Variants in RABGAP1L observed in about 807,000 individuals in gnomAD.
RABGAP1L encodes rab GTPase-activating protein 1-like.
RABGAP1L carries 63 observed loss-of-function variants against 137.7 expected under a neutral mutation model. The observed-to-expected ratio is 0.46, with a 90% CI of 0.37 to 0.56. RABGAP1L has a LOEUF of 0.56. RABGAP1L is among the 20% of genes least tolerant of loss of function. The pLI is 0.00. For synonymous variants in RABGAP1L, 431 were observed against 433.7 expected (o/e 0.99, Z 0.08); for missense variants, 1,095 against 1,244.0 (o/e 0.88, Z 1.80).
At position 174,232,977 on chromosome 1, in the gene RABGAP1L, G is replaced by C. The variant is rs533779849; in HGVS notation, c.542+1622G>C. 2.1e-4 allele frequency among the ~76,000 whole-genome samples: 32 copies of C among 152,218 alleles called. 1 individual carries two copies. Among genetic ancestry groups the C allele is most frequent in the African/African-American group, 7.5e-4 (31 of 41,542 alleles). ...ATAGACTGGTGGTTTACATACAACA[G>C]ATAATTATTTTTCACAGTTCTCGTG... On this transcript the variant is annotated intron_variant, in intron 4 of 25. Coordinates refer to ENST00000681986, the MANE Select transcript of RABGAP1L (RefSeq NM_001366446.1).
At chr1:174,268,634 G>A (rs114500696) in intron 7 of RABGAP1L, among the ~76,000 whole-genome samples, 153 of 152,094 alleles carry the variant, frequency 1.0e-3, no homozygotes, top group African/African-American at 3.6e-3. Flanking sequence ...TAGACTAAAG[G>A]TAAAAGTTTT....
intron 13 of RABGAP1L, among the ~76,000 whole-genome samples, chr1:174,429,107 T>G (rs1652296018): frequency 6.6e-6 from 1 of 152,146 alleles, no homozygotes; most frequent in African/African-American, 2.4e-5. Flanking sequence ...GATTTTATTG[T>G]GTGATGCTGG....
chr1:174,238,579 C>T (rs1292529975), intron 4 of RABGAP1L, among the ~76,000 whole-genome samples: 6 of 151,150 alleles, frequency 4.0e-5, no homozygotes, highest in Non-Finnish European at 7.4e-5. Flanking sequence ...TTAGGCTGCT[C>T]GGGGGTCAGG....
intron 13 of RABGAP1L, among the ~76,000 whole-genome samples, chr1:174,531,749 T>TG (rs1438629230): frequency 2.0e-3 from 144 of 73,818 alleles, no homozygotes; most frequent in South Asian, 8.9e-3. Flanking sequence ...GTCTCGGGGG[T>TG]GGGGGGGGGG....
At chr1:174,166,292 G>C (rs1664904479) in intron 1 of RABGAP1L, among the ~76,000 whole-genome samples, 1 of 152,126 alleles carries the variant, frequency 6.6e-6, no homozygotes, top group South Asian at 2.1e-4. Context: ...AGTAGAACAG[G>C]AAGCAGTTTT....
At chr1:174,650,713 A>T (rs977152089) in intron 14 of RABGAP1L, among the ~76,000 whole-genome samples, 4 of 148,848 alleles carry the variant, frequency 2.7e-5, no homozygotes, top group Admixed American at 2.7e-4. Flanking sequence ...CGTCTATTTG[A>T]TTCTTCTCTC....
At chr1:174,924,904 A>G (rs1180168494) in intron 19 of RABGAP1L, among the ~76,000 whole-genome samples, 1 of 152,218 alleles carries the variant, frequency 6.6e-6, no homozygotes, top group Non-Finnish European at 1.5e-5. Context: ...TAATGTGGAA[A>G]AAATAGGACA....
intron 21 of RABGAP1L, among the ~76,000 whole-genome samples, chr1:174,969,839 C>T (rs572197116): frequency 1.3e-5 from 2 of 152,310 alleles, no homozygotes; most frequent in East Asian, 3.9e-4. Flanking sequence ...GGCTGAGAGC[C>T]AGACTGCCTG....
chr1:174,491,784 G>A (rs970711847), intron 13 of RABGAP1L, among the ~76,000 whole-genome samples: 1 of 152,154 alleles, frequency 6.6e-6, no homozygotes, highest in Non-Finnish European at 1.5e-5. Context: ...TTCCCATCTG[G>A]CTAGAGCCAG....
intron 13 of RABGAP1L, among the ~76,000 whole-genome samples, chr1:174,547,029 CAAAAAAAA>C (rs375413887): frequency 2.6e-5 from 2 of 78,250 alleles, no homozygotes; most frequent in East Asian, 5.1e-4. Context: ...GACTCTGTCT[CAAAAAAAA>C]AAAAAAAAAA....
At chr1:174,161,910 T>C (rs1185948396) in intron 1 of RABGAP1L, among the ~76,000 whole-genome samples, 1 of 152,116 alleles carries the variant, frequency 6.6e-6, no homozygotes, top group African/African-American at 2.4e-5. Flanking sequence ...TTGTTTTATT[T>C]TTGTAGAGTC....
intron 1 of RABGAP1L, among the ~76,000 whole-genome samples, chr1:174,162,318 ATATTTATT>A (rs1271656354): frequency 6.6e-6 from 1 of 152,130 alleles, no homozygotes; most frequent in Non-Finnish European, 1.5e-5. Flanking sequence ...CAGCCATTGT[ATATTTATT>A]TGAACTCTCA....
intron 13 of RABGAP1L, among the ~76,000 whole-genome samples, chr1:174,589,841 G>A (rs1018699555): frequency 5.3e-5 from 8 of 152,040 alleles, no homozygotes; most frequent in East Asian, 1.9e-4. Flanking sequence ...TGCCAGTCCC[G>A]TGCTGTTTTG....
chr1:174,786,260 A>G (rs1310183593), intron 18 of RABGAP1L, among the ~76,000 whole-genome samples: 1 of 152,132 alleles, frequency 6.6e-6, no homozygotes, highest in African/African-American at 2.4e-5. Flanking sequence ...ATTTTTTGTT[A>G]ATATTAGTTT....
intron 13 of RABGAP1L, among the ~76,000 whole-genome samples, chr1:174,499,237 A>T (rs1003817013): frequency 6.9e-6 from 1 of 145,520 alleles, no homozygotes; most frequent in African/African-American, 2.5e-5. Flanking sequence ...TTAGAAATTT[A>T]AGTTAAAAAC....
chr1:174,335,604 C>A (rs759108340), intron 11 of RABGAP1L, among the ~76,000 whole-genome samples: 3 of 152,240 alleles, frequency 2.0e-5, no homozygotes, highest in Non-Finnish European at 2.9e-5. Flanking sequence ...TTCTGGATTG[C>A]CTCTGTTGAA....
intron 20 of RABGAP1L, among the ~76,000 whole-genome samples, chr1:174,966,456 C>A (rs1558290041): frequency 6.6e-6 from 1 of 152,048 alleles, no homozygotes. Flanking sequence ...ATTGAAAAAG[C>A]TTCTCAAATC....
chr1:174,655,826 T>C (rs949561128), intron 14 of RABGAP1L, among the ~76,000 whole-genome samples: 2 of 152,168 alleles, frequency 1.3e-5, no homozygotes, highest in Non-Finnish European at 2.9e-5. Flanking sequence ...TTCAAGCTGG[T>C]TTCTGTGTCC....
intron 1 of RABGAP1L, among the ~76,000 whole-genome samples, chr1:174,195,775 CCTTT>C (rs1243955312): frequency 5.9e-5 from 6 of 102,434 alleles, no homozygotes; most frequent in African/African-American, 1.5e-4. Context: ...TTCTCTCTTT[CCTTT>C]CTTTCTTTTC....
Sources: allele counts gnomAD v4.1 joint callset (sites outside exome capture counted in the v4.1 genomes callset), GRCh38; gene constraint gnomAD v4.1.1; transcripts MANE v1.5; gene names NCBI Gene and HGNC (gene_info 2026-07-23, HGNC 2026-07-21).